The following TRIM2 variants were observed in gnomAD, a reference collection of about 807,000 sequenced individuals.
TRIM2 encodes tripartite motif containing 2, also known as tripartite motif-containing protein 2.
In TRIM2, 20 loss-of-function variants were observed where a neutral mutation model predicts 75.2. The observed-to-expected ratio is 0.27, with a 90% CI of 0.19 to 0.39. TRIM2 has a LOEUF of 0.39. TRIM2 is among the 10% of genes least tolerant of loss of function. The pLI is 1.00. For synonymous variants in TRIM2, 373 were observed against 388.3 expected (o/e 0.96, Z 0.46); for missense variants, 660 against 990.8 (o/e 0.67, Z 4.48).
chr4:153,180,260 C>T (rs1209854323), intron 1 of TRIM2, among the ~76,000 whole-genome samples: 3 of 152,158 alleles, frequency 2.0e-5, no homozygotes, highest in African/African-American at 7.2e-5. Context: ...ATGTCAGGCT[C>T]TCTTTTGTGA....
intron 6 of TRIM2, among the ~76,000 whole-genome samples, chr4:153,297,618 G>A (rs929370752): frequency 1.3e-5 from 2 of 151,842 alleles, no homozygotes; most frequent in South Asian, 2.1e-4. Flanking sequence ...CTTGCATTAC[G>A]AACAAATTCA....
intron 1 of TRIM2, among the ~76,000 whole-genome samples, chr4:153,206,057 C>T (rs546231131): frequency 6.6e-6 from 1 of 152,342 alleles, no homozygotes; most frequent in East Asian, 1.9e-4. Flanking sequence ...ATCATTCACC[C>T]TCCAGGCCCA....
At chr4:153,324,041 TGTA>T in intron 9 of TRIM2, 34 bp from the exon 10 acceptor site, 1 of 1,533,904 alleles carries the variant, frequency 6.5e-7, no homozygotes, top group Non-Finnish European at 9.0e-7. Context: ...TCACTTTTGT[TGTA>T]GTCATCACAT....
At chr4:153,244,199 T>G (rs1194552586) in intron 1 of TRIM2, among the ~76,000 whole-genome samples, 1 of 142,256 alleles carries the variant, frequency 7.0e-6, no homozygotes, top group Non-Finnish European at 1.5e-5. Flanking sequence ...CTTCTTCTCC[T>G]CCTTTTCCTT....
chr4:153,183,657 G>A (rs192061734), intron 1 of TRIM2, among the ~76,000 whole-genome samples: 74 of 152,282 alleles, frequency 4.9e-4, no homozygotes, highest in Admixed American at 9.2e-4. Flanking sequence ...ATGAGAGGAC[G>A]GGCTGGGTTC....
chr4:153,188,849 A>G (rs1446570840), intron 1 of TRIM2, among the ~76,000 whole-genome samples: 3 of 152,112 alleles, frequency 2.0e-5, no homozygotes, highest in Non-Finnish European at 4.4e-5. Flanking sequence ...AAAACATTTT[A>G]CCTTCAGAAG....
At chr4:153,180,565 C>T (rs914399008) in intron 1 of TRIM2, among the ~76,000 whole-genome samples, 19 of 152,360 alleles carry the variant, frequency 1.2e-4, no homozygotes, top group African/African-American at 4.6e-4. Context: ...GCAAACTCCA[C>T]CTCCCGGGTT....
At chr4:153,302,761 C>A (rs762092381) in intron 6 of TRIM2, among the ~76,000 whole-genome samples, 11 of 152,160 alleles carry the variant, frequency 7.2e-5, no homozygotes, top group Non-Finnish European at 1.0e-4. Flanking sequence ...TTTTATCTTC[C>A]CTCAAAAACC....
chr4:153,295,177 G>C lies in TRIM2; in HGVS notation c.787-136G>C, dbSNP rs1762526110. 2 of 1,241,428 alleles carry C rather than the reference G, an allele frequency of 1.6e-6. No individual in the cohort carries two copies. The highest frequency in any genetic ancestry group is 2.2e-6 in the Non-Finnish European group (2 of 924,660). The allele number at this position is 1,241,428 out of a possible 1,614,324, so 76.9% of individuals were successfully genotyped here. ...ACTTTGCGTTAGCACTGGGTTCCCT[G>C]GGTTGACAAACACCGCTTGCTCAGA... On this transcript the variant is annotated intron_variant, in intron 5 of 11. Transcript: ENST00000338700. This position sits in a 1 kb window ranked among gnomAD's most constrained non-coding sequence, Gnocchi z 7.2.
In TRIM2 at chr4:153,160,948, T is replaced by C. The variant is rs151246888; in HGVS notation, c.-49+7678T>C. ...AAAAGGGGAGGGGAGGGTTGGGAGCTAGCTCTCTGGCTCACAAACAATAAT... is the reference window on the plus strand; with the variant it reads ...AAAAGGGGAGGGGAGGGTTGGGAGCCAGCTCTCTGGCTCACAAACAATAAT... On this transcript the variant is annotated intron_variant, in intron 1 of 11. Coordinates refer to the TRIM2 transcript ENST00000437508. 3.0e-3 allele frequency among the ~76,000 whole-genome samples: 454 copies of C among 152,246 alleles called. 1 individual carries two copies. Among genetic ancestry groups the C allele is most frequent in the African/African-American group, 9.0e-3 (372 of 41,548 alleles).
intron 3 of TRIM2, 40 bp downstream of exon 3, chr4:153,276,170 C>G (rs1282139785): frequency 4.5e-6 from 7 of 1,548,462 alleles, no homozygotes; most frequent in Non-Finnish European, 6.2e-6. Context: ...GGGAGCATGA[C>G]TACTGTGGCC....
intron 1 of TRIM2, among the ~76,000 whole-genome samples, chr4:153,256,364 G>A (rs893440546): frequency 6.6e-6 from 1 of 152,160 alleles, no homozygotes; most frequent in African/African-American, 2.4e-5. Context: ...TTGACTGCGT[G>A]GAAAGAATGT....
intron 1 of TRIM2, among the ~76,000 whole-genome samples, chr4:153,225,995 C>T (rs148902962): frequency 2.0e-5 from 3 of 152,248 alleles, no homozygotes; most frequent in East Asian, 1.9e-4. Context: ...CTCAGCCTCC[C>T]GAGTAGCTGG....
chr4:153,319,730 CA>C (rs1159165933), intron 8 of TRIM2, among the ~76,000 whole-genome samples: 7 of 147,652 alleles, frequency 4.7e-5, no homozygotes, highest in Admixed American at 1.3e-4. Context: ...AACTCTGTCT[CA>C]AAAAAAAAAT....
At chr4:153,239,634 A>G (rs1012332945) in intron 1 of TRIM2, among the ~76,000 whole-genome samples, 12 of 152,176 alleles carry the variant, frequency 7.9e-5, no homozygotes, top group Admixed American at 7.9e-4. Context: ...CATGAATGTT[A>G]GAAGTAAGTG....
intron 1 of TRIM2, among the ~76,000 whole-genome samples, chr4:153,249,101 C>G (rs1216231524): frequency 6.6e-6 from 1 of 152,266 alleles, no homozygotes; most frequent in Non-Finnish European, 1.5e-5. Flanking sequence ...TTACTCCCTC[C>G]TCTTCCCCAC....
chr4:153,311,631 G>A (rs1418406517), intron 6 of TRIM2, among the ~76,000 whole-genome samples: 1 of 151,746 alleles, frequency 6.6e-6, no homozygotes, highest in Non-Finnish European at 1.5e-5. Context: ...AGAATAGCCT[G>A]GGTTTTATAT....
intron 1 of TRIM2, among the ~76,000 whole-genome samples, chr4:153,247,387 G>A (rs1359010971): frequency 6.6e-6 from 1 of 152,168 alleles, no homozygotes; most frequent in Admixed American, 6.5e-5. Context: ...TGATAAAAGT[G>A]TTTAGGCACC....
At chr4:153,257,499 C>A in intron 1 of TRIM2, 1 of 1,273,722 alleles carries the variant, frequency 7.9e-7, no homozygotes, top group Non-Finnish European at 1.0e-6. Flanking sequence ...GACTTCCAGC[C>A]TTCTCTCATT....
Sources: allele counts gnomAD v4.1 joint callset (sites outside exome capture counted in the v4.1 genomes callset), GRCh38; gene constraint gnomAD v4.1.1; non-coding constraint Gnocchi (gnomAD v3.1); transcripts MANE v1.5; gene names NCBI Gene and HGNC (gene_info 2026-07-23, HGNC 2026-07-21).